The following FOXN3 variants were observed in gnomAD, a reference collection of about 807,000 sequenced individuals.
FOXN3 encodes the protein forkhead box protein N3.
FOXN3 carries 7 observed loss-of-function variants against 38.4 expected under a neutral mutation model. The observed-to-expected ratio is 0.18, with a 90% CI of 0.10 to 0.34. The LOEUF is 0.34. Ranked by LOEUF, FOXN3 falls within the 10% of genes least tolerant of loss-of-function variation. The probability of loss-of-function intolerance (pLI) is 1.00; values close to 1 mark genes in which losing one functional copy is unlikely to be tolerated. For missense variants in FOXN3, 456 were observed against 613.4 expected (o/e 0.74, Z 2.71); for synonymous variants, 230 against 242.2 (o/e 0.95, Z 0.47).
chr14:89,515,700 T>C (rs1894186623), intron 1 of FOXN3, among the ~76,000 whole-genome samples: 1 of 152,090 alleles, frequency 6.6e-6, no homozygotes, highest in South Asian at 2.1e-4. Context: ...CGTGCCACTG[T>C]ACTCCAGCCT....
At chr14:89,390,168 G>A (rs1347130303) in intron 2 of FOXN3, among the ~76,000 whole-genome samples, 1 of 151,008 alleles carries the variant, frequency 6.6e-6, no homozygotes, top group African/African-American at 2.4e-5. Flanking sequence ...TGAGGCTGCT[G>A]TGAGCCAAGG....
chr14:89,478,650 G>C (rs913181386), intron 1 of FOXN3, among the ~76,000 whole-genome samples: 1 of 151,858 alleles, frequency 6.6e-6, no homozygotes, highest in Non-Finnish European at 1.5e-5. Flanking sequence ...CCACAACACC[G>C]ACTGAGCACA....
chr14:89,368,501 C>T lies in FOXN3; in HGVS notation c.544-17693G>A, dbSNP rs370751896. Among the ~76,000 whole-genome samples, 5 of 151,988 alleles carry T rather than the reference C, an allele frequency of 3.3e-5. No individual in the cohort carries two copies. In the South Asian group the frequency reaches 8.3e-4, roughly 25 times the overall value. The stretch of plus-strand genomic sequence containing the variant: ...CTAGAAAAAATGCGAAAAAATTAGC[C>T]AGGCCTGGTGGTACACGCCTGTAGT... On this transcript the variant is annotated intron_variant, in intron 2 of 5. Transcript: ENST00000557258.
At chr14:89,347,891 T>C (rs1010576100) in intron 3 of FOXN3, among the ~76,000 whole-genome samples, 1 of 151,802 alleles carries the variant, frequency 6.6e-6, no homozygotes, top group Non-Finnish European at 1.5e-5. Flanking sequence ...GAGGCGGAGG[T>C]TGCAGTGAGC....
rs569324119 is a variant in FOXN3 at position 89,341,655 on chromosome 14, G to GT, written c.680+9016dup. On this transcript the variant is annotated intron_variant, in intron 3 of 5. Coordinates refer to ENST00000557258, the MANE Select transcript of FOXN3 (RefSeq NM_005197.4). ...GAGACCATCTTAGATGTGCTAACAG[G>GT]TTTTTATTTTCTATTATTGATGAAA... Among the ~76,000 whole-genome samples the GT allele has an allele frequency of 1.2e-4, 19 of 152,184 alleles. No individual in the cohort carries two copies. In the East Asian group the frequency reaches 3.7e-3, roughly 29 times the overall value.
chr14:89,472,179 C>G (rs1158311001), intron 1 of FOXN3, among the ~76,000 whole-genome samples: 2 of 151,582 alleles, frequency 1.3e-5, no homozygotes, highest in East Asian at 3.9e-4. Context: ...CGCTGGAACC[C>G]AGCAGGCGGA....
At chr14:89,178,146 A>G (rs890182959) in intron 5 of FOXN3, among the ~76,000 whole-genome samples, 1 of 150,084 alleles carries the variant, frequency 6.7e-6, no homozygotes, top group African/African-American at 2.4e-5. Context: ...TGGCTAGGTC[A>G]CAGGTGTGTG....
At chr14:89,255,891 C>A (rs1451581714) in intron 4 of FOXN3, among the ~76,000 whole-genome samples, 1 of 152,164 alleles carries the variant, frequency 6.6e-6, no homozygotes, top group Non-Finnish European at 1.5e-5. Flanking sequence ...CCTGCCATTA[C>A]CCTTCTACAA....
chr14:89,605,959 T>C (rs1173096112), intron 1 of FOXN3, among the ~76,000 whole-genome samples: 1 of 151,100 alleles, frequency 6.6e-6, no homozygotes, highest in Non-Finnish European at 1.5e-5. Flanking sequence ...TACTAAAAAG[T>C]AAAAAAACTG....
chr14:89,416,100 G>T (rs972283722), intron 1 of FOXN3, among the ~76,000 whole-genome samples: 7 of 152,160 alleles, frequency 4.6e-5, no homozygotes, highest in African/African-American at 7.2e-5. Flanking sequence ...AGTTTGGGGG[G>T]CCGGGTCACC....
At chr14:89,236,457 G>A (rs1417281369) in intron 4 of FOXN3, among the ~76,000 whole-genome samples, 1 of 152,218 alleles carries the variant, frequency 6.6e-6, no homozygotes, top group Non-Finnish European at 1.5e-5. Flanking sequence ...GGAGCTTGCA[G>A]TGAGCCGAGA....
chr14:89,188,625 T>C (rs142680727), intron 4 of FOXN3, among the ~76,000 whole-genome samples: 55 of 152,310 alleles, frequency 3.6e-4, no homozygotes, highest in African/African-American at 1.3e-3. Context: ...CCCTCTGAAC[T>C]TCAGCAACCA....
chr14:89,189,631 T>A (rs1205541824), intron 4 of FOXN3, among the ~76,000 whole-genome samples: 3 of 152,212 alleles, frequency 2.0e-5, no homozygotes, highest in Non-Finnish European at 4.4e-5. Context: ...GGGACAGATA[T>A]CTTTGTTTGA....
intron 4 of FOXN3, among the ~76,000 whole-genome samples, chr14:89,254,402 G>A (rs1885553562): frequency 6.6e-6 from 1 of 152,106 alleles, no homozygotes; most frequent in Non-Finnish European, 1.5e-5. Context: ...GTCTGTAAGG[G>A]AGGTGGGGAG....
chr14:89,503,705 T>TA (rs145982684), intron 1 of FOXN3, among the ~76,000 whole-genome samples: 1 of 152,334 alleles, frequency 6.6e-6, no homozygotes, highest in Non-Finnish European at 1.5e-5. Flanking sequence ...CTGGCTCGGT[T>TA]ACAAGTGTGT....
intron 1 of FOXN3, among the ~76,000 whole-genome samples, chr14:89,495,069 C>T (rs994626128): frequency 2.0e-5 from 3 of 152,128 alleles, no homozygotes; most frequent in African/African-American, 7.2e-5. Flanking sequence ...ACTGGTAAGC[C>T]GCTTTAAATA....
intron 3 of FOXN3, among the ~76,000 whole-genome samples, chr14:89,307,781 A>T (rs1484414001): frequency 6.6e-6 from 1 of 152,228 alleles, no homozygotes; most frequent in Non-Finnish European, 1.5e-5. Context: ...GCTTAGAAAA[A>T]GTGCCATTCT....
chr14:89,170,389 CAT>C (rs1887357987), intron 5 of FOXN3, among the ~76,000 whole-genome samples: 1 of 152,056 alleles, frequency 6.6e-6, no homozygotes, highest in South Asian at 2.1e-4. Context: ...ATGGAAAAGA[CAT>C]ATTTTCTGAT....
intron 2 of FOXN3, among the ~76,000 whole-genome samples, chr14:89,390,974 G>A (rs568728995): frequency 6.6e-6 from 1 of 152,302 alleles, no homozygotes; most frequent in East Asian, 1.9e-4. Context: ...ACAGTGTCTC[G>A]AGAAACTCCT....
Sources: allele counts gnomAD v4.1 joint callset (sites outside exome capture counted in the v4.1 genomes callset), GRCh38; gene constraint gnomAD v4.1.1; transcripts MANE v1.5; gene names NCBI Gene and HGNC (gene_info 2026-07-23, HGNC 2026-07-21).